The following TYW1 variants were observed in gnomAD, a reference collection of about 807,000 sequenced individuals.
The protein encoded by TYW1 is tRNA-yW synthesizing protein 1 homolog, also known as S-adenosyl-L-methionine-dependent tRNA 4-demethylwyosine synthase TYW1.
TYW1 carries 46 observed loss-of-function variants against 96.2 expected under a neutral mutation model. The observed-to-expected ratio is 0.48, with a 90% CI of 0.38 to 0.61. The LOEUF is 0.61. Among genes scored for constraint, TYW1 ranks in the 20% least tolerant of loss-of-function variants. The pLI, the probability that TYW1 is intolerant of heterozygous loss-of-function variation, is 0.00. For synonymous variants in TYW1, 274 were observed against 323.0 expected (o/e 0.85, Z 1.63); for missense variants, 684 against 909.6 (o/e 0.75, Z 3.19).
intron 7 of TYW1, among the ~76,000 whole-genome samples, chr7:67,035,554 A>T (rs1326621315): frequency 6.6e-6 from 1 of 152,172 alleles, no homozygotes; most frequent in Non-Finnish European, 1.5e-5. Context: ...ATAATTTGCT[A>T]GAAAAACGCA....
chr7:67,144,760 G>A (rs2960982), intron 13 of TYW1, among the ~76,000 whole-genome samples: 39,541 of 151,958 alleles, frequency 0.26, 5,652 homozygotes, highest in African/African-American at 0.38. Context: ...GTGAGCCACC[G>A]GGCCTGGCCT....
chr7:67,049,524 TA>T (rs200968864), intron 7 of TYW1, among the ~76,000 whole-genome samples: 4 of 152,056 alleles, frequency 2.6e-5, no homozygotes, highest in South Asian at 2.1e-4. Context: ...CAGCCCTTTT[TA>T]AAAATTTTTT....
intron 10 of TYW1, among the ~76,000 whole-genome samples, chr7:67,082,886 A>G (rs1796430869): frequency 1.3e-5 from 2 of 152,070 alleles, no homozygotes; most frequent in Admixed American, 1.3e-4. Context: ...ATGGAGATAC[A>G]GGGGCTTTGG....
chr7:67,052,632 T>A (rs1795392472), intron 8 of TYW1, among the ~76,000 whole-genome samples: 1 of 152,232 alleles, frequency 6.6e-6, no homozygotes, highest in African/African-American at 2.4e-5. Context: ...ATTTTTTCCC[T>A]CATTCGTCAT....
intron 13 of TYW1, among the ~76,000 whole-genome samples, chr7:67,156,275 G>A (rs748969450): frequency 6.6e-6 from 1 of 152,226 alleles, no homozygotes; most frequent in Non-Finnish European, 1.5e-5. Context: ...AGCAGTAGTG[G>A]CAGCGGACCA....
At chr7:67,071,915 C>A (rs1225374308) in intron 10 of TYW1, among the ~76,000 whole-genome samples, 1 of 151,856 alleles carries the variant, frequency 6.6e-6, no homozygotes, top group Non-Finnish European at 1.5e-5. Flanking sequence ...AGCCACCATA[C>A]CCGGCCTGGA....
At chr7:67,084,770 C>A (rs562663223) in intron 11 of TYW1, among the ~76,000 whole-genome samples, 16 of 152,170 alleles carry the variant, frequency 1.1e-4, no homozygotes, top group African/African-American at 3.4e-4. Flanking sequence ...CCACTTTGGC[C>A]TCCCAAATTG....
At chr7:67,058,087 A>G (rs1795580882) in intron 9 of TYW1, among the ~76,000 whole-genome samples, 1 of 152,040 alleles carries the variant, frequency 6.6e-6, no homozygotes, top group South Asian at 2.1e-4. Context: ...GGCACCCGCC[A>G]CCATGCCCGG....
At position 67,014,384 on chromosome 7, in the gene TYW1, CTG is replaced by C; in HGVS notation, c.397_398del (p.Val133LeufsTer8). ...LIEEVTSKNV[C>X]VFLVATYTDG... ...TTGGTTAGGTGACTAGTAAAAATGT[CTG>C]TGTCTTCCTGGTTGCGACATACACT... On this transcript the variant is annotated frameshift_variant, in exon 5 of 16. Transcript: ENST00000359626. LOFTEE classifies it high-confidence loss of function. The C allele has an allele frequency of 4.4e-6, 7 of 1,607,984 alleles. No homozygotes were observed. The highest frequency in any genetic ancestry group is 5.1e-6 in the Non-Finnish European group (6 of 1,176,426).
chr7:67,208,466 C>T (rs6961084), intron 15 of TYW1, among the ~76,000 whole-genome samples: 40,671 of 151,744 alleles, frequency 0.27, 5,811 homozygotes, highest in African/African-American at 0.36. Context: ...CCGAGGTGGG[C>T]GGATCATGAG....
At chr7:67,012,671 T>G (rs1793854588) in intron 4 of TYW1, among the ~76,000 whole-genome samples, 1 of 152,152 alleles carries the variant, frequency 6.6e-6, no homozygotes, top group Non-Finnish European at 1.5e-5. Flanking sequence ...TCCAAATTTC[T>G]GGAGCGCTGA....
intron 13 of TYW1, among the ~76,000 whole-genome samples, chr7:67,131,504 G>A (rs1259831398): frequency 6.6e-6 from 1 of 151,998 alleles, no homozygotes; most frequent in African/African-American, 2.4e-5. Flanking sequence ...CTTTCAGAGG[G>A]AATCAGTATC....
chr7:67,092,556 T>TCAG (rs1796756488), intron 11 of TYW1, among the ~76,000 whole-genome samples: 1 of 152,044 alleles, frequency 6.6e-6, no homozygotes, highest in South Asian at 2.1e-4. Context: ...ACTCTCCTTT[T>TCAG]CAGCAAGACT....
chr7:67,184,638 TTTTATTTTATTTATGTTATGTTATG>T (rs1269513448), intron 14 of TYW1, among the ~76,000 whole-genome samples: 531 of 51,610 alleles, frequency 0.01, 5 homozygotes, highest in Middle Eastern at 0.029. Flanking sequence ...TTTTATTTTA[TTTTATTTTATTTATGTTATGTTATG>T]TTATGTTATG....
chr7:67,184,374 A>ATG (rs1392935988), intron 14 of TYW1, among the ~76,000 whole-genome samples: 1 of 151,832 alleles, frequency 6.6e-6, no homozygotes, highest in East Asian at 1.9e-4. Flanking sequence ...TCAGGGGTGC[A>ATG]TGTGTGTGTG....
intron 15 of TYW1, among the ~76,000 whole-genome samples, chr7:67,224,633 A>G (rs1801498928): frequency 6.6e-6 from 1 of 152,230 alleles, no homozygotes; most frequent in Non-Finnish European, 1.5e-5. Context: ...GGTATTTCCT[A>G]TTAGCACTTT....
At chr7:67,186,539 G>C (rs912512749) in intron 14 of TYW1, among the ~76,000 whole-genome samples, 1 of 152,066 alleles carries the variant, frequency 6.6e-6, no homozygotes, top group Non-Finnish European at 1.5e-5. Flanking sequence ...CTAGACTGGA[G>C]TGCAGTGGTG....
intron 7 of TYW1, among the ~76,000 whole-genome samples, chr7:67,031,032 C>G (rs1794652603): frequency 7.0e-6 from 1 of 142,644 alleles, no homozygotes; most frequent in Admixed American, 7.1e-5. Context: ...GAAACCCTGT[C>G]TCGACTAAAA....
chr7:67,169,547 C>G, intron 13 of TYW1, among the ~76,000 whole-genome samples: 1 of 152,092 alleles, frequency 6.6e-6, no homozygotes. Context: ...ACTACAGGCA[C>G]CCTCCACCAC....
Sources: allele counts gnomAD v4.1 joint callset (sites outside exome capture counted in the v4.1 genomes callset), GRCh38; gene constraint gnomAD v4.1.1; transcripts MANE v1.5; gene names NCBI Gene and HGNC (gene_info 2026-07-23, HGNC 2026-07-21).